The following PARP15 variants were observed in gnomAD, a reference collection of about 807,000 sequenced individuals.
PARP15 encodes protein mono-ADP-ribosyltransferase PARP15.
PARP15 carries 50 observed loss-of-function variants against 62.1 expected under a neutral mutation model. The ratio of observed to expected loss-of-function variants is 0.81; its 90% confidence interval spans 0.64 to 1.02. The LOEUF is 1.02. Among genes scored for constraint, PARP15 ranks in the 50% least tolerant of loss-of-function variants. The probability of loss-of-function intolerance (pLI) is 0.00; values close to 1 mark genes in which losing one functional copy is unlikely to be tolerated. For synonymous variants in PARP15, 309 were observed against 293.1 expected, an observed-to-expected ratio of 1.05 and a Z score of -0.55; for missense variants, 820 against 826.5, an observed-to-expected ratio of 0.99 and a Z score of 0.10.
chr3:122,626,031 G>A (rs1936702826), intron 8 of PARP15, among the ~76,000 whole-genome samples: 1 of 152,098 alleles, frequency 6.6e-6, no homozygotes, highest in Non-Finnish European at 1.5e-5. Flanking sequence ...TAATGGATTT[G>A]GGCTTGTTTT....
Position 122,638,982 on chromosome 3 carries a change from A to G in PARP15, c.*2882A>G, listed in dbSNP as rs890451877. On this transcript the variant is annotated 3_prime_UTR_variant, in exon 12 of 12. Transcript: ENST00000464300. ...TGTAATCATCATTATTTATAGTTTAATAATCAGTTTCATCTTGCAGTGTAT... is the reference window on the plus strand; with the variant it reads ...TGTAATCATCATTATTTATAGTTTAGTAATCAGTTTCATCTTGCAGTGTAT... 2 of 152,192 alleles carry G rather than the reference A, an allele frequency of 1.3e-5. No individual in the cohort carries two copies. The highest frequency in any genetic ancestry group is 2.4e-5 in the African/African-American group (1 of 41,440). The allele number at this position is 152,192 out of a possible 1,614,324, so 9.4% of individuals were successfully genotyped here.
intron 10 of PARP15, 33 bp downstream of exon 10, chr3:122,632,252 T>G: frequency 6.3e-7 from 1 of 1,595,166 alleles, no homozygotes; most frequent in Non-Finnish European, 8.6e-7. Flanking sequence ...TGTTCAAAAA[T>G]GTTGATGAAC....
In PARP15 at chr3:122,637,812, A is replaced by C. The variant is rs1332073668; in HGVS notation, c.*1712A>C. On this transcript the variant is annotated 3_prime_UTR_variant, in exon 12 of 12. Transcript: ENST00000464300. ...ATTTTTCTTTTTTTAATCTTTTTTT[A>C]TTATACTTTAAGTTTTAGGGTACAT... The C allele has an allele frequency of 6.6e-6, 1 of 151,828 alleles. No homozygotes were observed. Among genetic ancestry groups the C allele is most frequent in the East Asian group, 1.9e-4 (1 of 5,180 alleles). 9.4% of individuals were successfully genotyped at this position (151,828 alleles called of 1,614,324 possible).
intron 1 of PARP15, among the ~76,000 whole-genome samples, chr3:122,599,145 C>T (rs1934590141): frequency 6.6e-6 from 1 of 152,226 alleles, no homozygotes; most frequent in Non-Finnish European, 1.5e-5. Flanking sequence ...GATCCACCCG[C>T]TTCAGCCTCC....
At chr3:122,604,159 T>C (rs1254180555) in intron 1 of PARP15, among the ~76,000 whole-genome samples, 1 of 152,252 alleles carries the variant, frequency 6.6e-6, no homozygotes, top group African/African-American at 2.4e-5. Context: ...AGAGACCACA[T>C]TCAAGTACTG....
chr3:122,600,653 T>G (rs1934712802), intron 1 of PARP15, among the ~76,000 whole-genome samples: 1 of 152,184 alleles, frequency 6.6e-6, no homozygotes, highest in South Asian at 2.1e-4. Flanking sequence ...ATAATCCCTT[T>G]GCAACATTTG....
chr3:122,589,417 C>T (rs917087174), intron 1 of PARP15, among the ~76,000 whole-genome samples: 8 of 152,136 alleles, frequency 5.3e-5, no homozygotes, highest in South Asian at 2.1e-4. Context: ...ACTGTGTGGA[C>T]GTATGTTTTC....
At chr3:122,611,203 C>T (rs952589018) in intron 3 of PARP15, among the ~76,000 whole-genome samples, 3 of 152,142 alleles carry the variant, frequency 2.0e-5, no homozygotes, top group East Asian at 3.8e-4. Flanking sequence ...TCATTCCCAC[C>T]TCCACTACCA....
intron 1 of PARP15, among the ~76,000 whole-genome samples, chr3:122,579,760 C>G (rs952527662): frequency 6.6e-6 from 1 of 151,824 alleles, no homozygotes; most frequent in African/African-American, 2.4e-5. Flanking sequence ...AGGTGGATCA[C>G]TTGAGGTCAG....
intron 4 of PARP15, among the ~76,000 whole-genome samples, chr3:122,613,945 A>G (rs954610499): frequency 6.6e-6 from 1 of 150,860 alleles, no homozygotes; most frequent in Non-Finnish European, 1.5e-5. Flanking sequence ...TCCTGGGCTC[A>G]AGCAATCCTC....
At position 122,577,852 on chromosome 3, in the gene PARP15, T is replaced by A. The variant is rs1043597815; in HGVS notation, c.185T>A (p.Met62Lys). 4 of 1,543,790 alleles carry A rather than the reference T, an allele frequency of 2.6e-6. No individual in the cohort carries two copies. Among genetic ancestry groups the A allele is most frequent in the East Asian group, 2.5e-5 (1 of 40,746 alleles). The change falls in exon 1 of 12, where the codon ATG (methionine) becomes AAG (lysine). Residue 62 changes from methionine to lysine, a missense_variant and splice_region_variant. Physicochemically the swap from Met to Lys is moderately conservative, Grantham distance 95 (BLOSUM62 -1). Coordinates refer to ENST00000464300, the MANE Select transcript of PARP15 (RefSeq NM_001113523.3). ...KASRRSSSRSMSRDNKFSKKD... is the reference protein window; with the variant it reads ...KASRRSSSRSKSRDNKFSKKD... ...TCCCGGCGCTCTTCCTCCCGGAGTATGGTGAGGAGCGCGGGGGACGGGTGC... is the reference window on the plus strand; with the variant it reads ...TCCCGGCGCTCTTCCTCCCGGAGTAAGGTGAGGAGCGCGGGGGACGGGTGC...
Position 122,621,626 on chromosome 3 carries a change from A to G in PARP15, c.1231+15A>G, listed in dbSNP as rs2107572680. 6.4e-7 allele frequency: 1 copy of G among 1,564,186 alleles called. No individual in the cohort carries two copies. The highest frequency in any genetic ancestry group is 1.4e-5 in the African/African-American group (1 of 72,656). On this transcript the variant is annotated intron_variant, in intron 8 of 11. Transcript: ENST00000464300. ...CATTGGAACAGGTTTGCAGCTTATCATTCTATAATAAAATTTGAGTGATAC... is the reference window on the plus strand; with the variant it reads ...CATTGGAACAGGTTTGCAGCTTATCGTTCTATAATAAAATTTGAGTGATAC...
At chr3:122,625,533 C>T (rs77759929) in intron 8 of PARP15, among the ~76,000 whole-genome samples, 13,731 of 152,136 alleles carry the variant, frequency 0.09, 1,908 homozygotes, top group African/African-American at 0.3. Context: ...GGATTACAGG[C>T]GTGAGCACCT....
intron 9 of PARP15, among the ~76,000 whole-genome samples, chr3:122,628,791 C>T (rs1936891560): frequency 6.6e-6 from 1 of 152,140 alleles, no homozygotes; most frequent in Admixed American, 6.6e-5. Flanking sequence ...TGCATTACGT[C>T]ATCTTTGTTG....
chr3:122,620,505 A>G (rs897802654), intron 7 of PARP15, among the ~76,000 whole-genome samples: 11 of 152,220 alleles, frequency 7.2e-5, no homozygotes, highest in Non-Finnish European at 1.5e-4. Context: ...CCGACCTGCT[A>G]CAATGCCTGA....
rs893783591 is a variant in PARP15 at position 122,628,920 on chromosome 3, G to A, written c.1438+1887G>A. The stretch of plus-strand genomic sequence containing the variant: ...CCCTTTTCCAAAAAGAACTTAAAGA[G>A]GATAGCTTTGAGTTTCATTTGTGCA... On this transcript the variant is annotated intron_variant, in intron 9 of 11. Coordinates refer to ENST00000464300, the MANE Select transcript of PARP15 (RefSeq NM_001113523.3). Among the ~76,000 whole-genome samples, 5 of 152,320 alleles carry A rather than the reference G, an allele frequency of 3.3e-5. No homozygotes were observed. The East Asian group carries it at 9.6e-4, about 29-fold the overall frequency.
At position 122,610,598 on chromosome 3, in the gene PARP15, AGAT is replaced by A. The variant is rs1252936002; in HGVS notation, c.414_416del (p.Asp139del). 12 of 1,551,732 alleles carry A rather than the reference AGAT, an allele frequency of 7.7e-6. No individual in the cohort carries two copies. The highest frequency in any genetic ancestry group is 1.7e-4 in the Middle Eastern group (1 of 6,014). On this transcript the variant is annotated inframe_deletion, in exon 3 of 12. Coordinates refer to ENST00000464300, the MANE Select transcript of PARP15 (RefSeq NM_001113523.3). ...CTGGTCCCATGCTCCAGAAAGAGTTAGATGACAGAAGGCGGGAAACAGAGGAAA... is the reference window on the plus strand; with the variant it reads ...CTGGTCCCATGCTCCAGAAAGAGTTAGACAGAAGGCGGGAAACAGAGGAAA...
intron 1 of PARP15, among the ~76,000 whole-genome samples, chr3:122,587,061 AC>A (rs1315578075): frequency 2.0e-5 from 3 of 152,026 alleles, no homozygotes; most frequent in African/African-American, 7.2e-5. Flanking sequence ...TTTCAGATTG[AC>A]TTTTTTCACT....
chr3:122,617,233 T>C (rs1450465461), intron 6 of PARP15, 69 bp downstream of exon 6: 2 of 1,492,152 alleles, frequency 1.3e-6, no homozygotes, highest in Non-Finnish European at 1.8e-6. Flanking sequence ...TTGTGGCTAA[T>C]ATTTGCCCTG....
Sources: allele counts gnomAD v4.1 joint callset (sites outside exome capture counted in the v4.1 genomes callset), GRCh38; gene constraint gnomAD v4.1.1; transcripts MANE v1.5; gene names NCBI Gene and HGNC (gene_info 2026-07-23, HGNC 2026-07-21).